Variants in EPS15L1 observed in about 807,000 individuals in gnomAD.
EPS15L1 encodes the protein epidermal growth factor receptor substrate 15-like 1.
In EPS15L1, 43 loss-of-function variants were observed where a neutral mutation model predicts 117.1. That is an observed-to-expected ratio of 0.37 (90% CI 0.29 to 0.47). The LOEUF is 0.47. EPS15L1 is among the 20% of genes least tolerant of loss of function. The pLI is 0.99. For synonymous variants in EPS15L1, 459 were observed against 470.5 expected, an observed-to-expected ratio of 0.98 and a Z score of 0.32; for missense variants, 981 against 1,164.0, an observed-to-expected ratio of 0.84 and a Z score of 2.29.
At chr19:16,362,067 C>G (rs2092062706) in intron 22 of EPS15L1, 83 bp from the exon 23 acceptor site, 42 of 1,380,618 alleles carry the variant, frequency 3.0e-5, no homozygotes, top group Non-Finnish European at 3.8e-5. Flanking sequence ...CTGGTGGGCA[C>G]AAGCCCGGGG....
intron 13 of EPS15L1, chr19:16,413,277 C>G (rs1568429737): frequency 1.5e-6 from 1 of 653,642 alleles, no homozygotes; most frequent in Non-Finnish European, 2.8e-6. Context: ...GCTGGTGTAA[C>G]TCATCCCCAC....
At chr19:16,421,889 C>T (rs935057389) in intron 9 of EPS15L1, among the ~76,000 whole-genome samples, 6 of 152,224 alleles carry the variant, frequency 3.9e-5, no homozygotes, top group African/African-American at 1.4e-4. Context: ...GGTCCTCCCA[C>T]TCCTCAGCCC....
chr19:16,444,773 C>T (rs2093067440), intron 1 of EPS15L1, among the ~76,000 whole-genome samples: 1 of 150,338 alleles, frequency 6.7e-6, no homozygotes, highest in South Asian at 2.1e-4. Context: ...GTCACCCAAG[C>T]TGGAGAGCAG....
rs2093338500 is a variant in EPS15L1 at position 16,470,444 on chromosome 19, G to A, written c.33+1469C>T. Among the ~76,000 whole-genome samples, 3 of 152,122 alleles carry A rather than the reference G, an allele frequency of 2.0e-5. No individual in the cohort carries two copies. In the South Asian group the frequency reaches 6.2e-4, roughly 32 times the overall value. On this transcript the variant is annotated intron_variant, in intron 1 of 23. Transcript: ENST00000455140. ...AAGATCCACGCCTCCCAAACTGGGA[G>A]TGCTTAGTGCTTTCTCATGAAATGA...
At chr19:16,448,367 C>T (rs920797558) in intron 1 of EPS15L1, among the ~76,000 whole-genome samples, 1 of 151,030 alleles carries the variant, frequency 6.6e-6, no homozygotes, top group African/African-American at 2.4e-5. Flanking sequence ...CCCATCTCTA[C>T]TAAAAATGTA....
At chr19:16,384,963 A>T (rs2290669) in intron 21 of EPS15L1, among the ~76,000 whole-genome samples, 166 bp downstream of exon 21, 3 of 152,060 alleles carry the variant, frequency 2.0e-5, no homozygotes, top group Non-Finnish European at 2.9e-5. Context: ...ACGGGACTGC[A>T]GTGCATTGGA....
chr19:16,426,239 T>C (rs1455739481), intron 8 of EPS15L1, among the ~76,000 whole-genome samples: 1 of 152,198 alleles, frequency 6.6e-6, no homozygotes, highest in Non-Finnish European at 1.5e-5. Flanking sequence ...CTCCGTGGGA[T>C]TCCTGTCTCA....
At chr19:16,376,975 G>T in intron 22 of EPS15L1, 147 bp downstream of exon 22, 2 of 1,032,030 alleles carry the variant, frequency 1.9e-6, no homozygotes, top group East Asian at 2.6e-5. Context: ...GCGTGGACCT[G>T]GGCAGCTGGG....
intron 22 of EPS15L1, among the ~76,000 whole-genome samples, 173 bp downstream of exon 22, chr19:16,376,949 C>T (rs531049699): frequency 2.6e-4 from 40 of 152,342 alleles, no homozygotes; most frequent in African/African-American, 9.4e-4. Flanking sequence ...GCACACACCA[C>T]GCACATACGG....
intron 1 of EPS15L1, among the ~76,000 whole-genome samples, chr19:16,454,808 CTTTCTTT>C (rs537158240): frequency 9.8e-4 from 148 of 151,662 alleles, no homozygotes; most frequent in African/African-American, 3.4e-3. Flanking sequence ...GGTTTGAAAG[CTTTCTTT>C]TTTCTTTTTT....
intron 16 of EPS15L1, among the ~76,000 whole-genome samples, 183 bp from the exon 17 acceptor site, chr19:16,395,650 A>G (rs930910754): frequency 6.6e-5 from 10 of 152,190 alleles, no homozygotes; most frequent in Non-Finnish European, 1.5e-4. Context: ...AAAAACAAAA[A>G]TTTAAAAATG....
intron 17 of EPS15L1, among the ~76,000 whole-genome samples, chr19:16,394,350 T>G (rs1331307263): frequency 6.6e-6 from 1 of 152,200 alleles, no homozygotes; most frequent in Non-Finnish European, 1.5e-5. Flanking sequence ...GCCAGCTCCC[T>G]GGGTAAGAGG....
At chr19:16,453,090 G>A (rs913588561) in intron 1 of EPS15L1, among the ~76,000 whole-genome samples, 13 of 151,680 alleles carry the variant, frequency 8.6e-5, no homozygotes, top group Non-Finnish European at 1.5e-4. Flanking sequence ...GTGAGCCACC[G>A]CGCCCGGGCT....
At chr19:16,454,451 T>C (rs888050015) in intron 1 of EPS15L1, among the ~76,000 whole-genome samples, 1 of 152,228 alleles carries the variant, frequency 6.6e-6, no homozygotes, top group African/African-American at 2.4e-5. Flanking sequence ...GCTTCCTATG[T>C]TCCCTGGTGT....
intron 4 of EPS15L1, among the ~76,000 whole-genome samples, chr19:16,438,611 C>T (rs940056011): frequency 6.6e-6 from 1 of 152,182 alleles, no homozygotes; most frequent in African/African-American, 2.4e-5. Context: ...CTCACTGCAA[C>T]CTCAAACTCA....
At chr19:16,426,167 G>A (rs2092870469) in intron 8 of EPS15L1, among the ~76,000 whole-genome samples, 1 of 152,220 alleles carries the variant, frequency 6.6e-6, no homozygotes, top group Non-Finnish European at 1.5e-5. Flanking sequence ...CAACATGGCA[G>A]TAAGAAGACA....
rs545191110 is a variant in EPS15L1 at position 16,469,705 on chromosome 19, C to A, written c.33+2208G>T. Among the ~76,000 whole-genome samples, 3 of 152,184 alleles carry A rather than the reference C, an allele frequency of 2.0e-5. No homozygotes were observed. In the East Asian group the frequency reaches 5.8e-4, roughly 29 times the overall value. ...CAGGAGTGGGGGTGGAGAAAACACA[C>A]CCCTCCTCCCCTAGGCTAGCCCGCT... On this transcript the variant is annotated intron_variant, in intron 1 of 23. Transcript: ENST00000455140.
At chr19:16,400,815 G>A in intron 16 of EPS15L1, 2 of 985,386 alleles carry the variant, frequency 2.0e-6, no homozygotes, top group African/African-American at 3.5e-5. Context: ...CTTTGGAGTT[G>A]GGGGAATCAC....
intron 22 of EPS15L1, among the ~76,000 whole-genome samples, chr19:16,376,658 A>C (rs1344778565): frequency 6.6e-6 from 1 of 152,176 alleles, no homozygotes; most frequent in Non-Finnish European, 1.5e-5. Context: ...GGACTGGACC[A>C]AGCAGCGACT....
Sources: allele counts gnomAD v4.1 joint callset (sites outside exome capture counted in the v4.1 genomes callset), GRCh38; gene constraint gnomAD v4.1.1; transcripts MANE v1.5; gene names NCBI Gene and HGNC (gene_info 2026-07-23, HGNC 2026-07-21).